ATP5ME: variants seen among roughly 807,000 people sequenced by gnomAD.
ATP5ME encodes ATP synthase F(0) complex subunit e, mitochondrial.
In ATP5ME, 10 loss-of-function variants were observed where a neutral mutation model predicts 11.6. The ratio of observed to expected loss-of-function variants is 0.86; its 90% CI spans 0.53 to 1.46. ATP5ME has a LOEUF of 1.46. ATP5ME is among the 40% of genes most tolerant of loss of function. ATP5ME has a pLI of 0.00. For missense variants in ATP5ME, 115 were observed against 85.4 expected (o/e 1.35, Z -1.37); for synonymous variants, 45 against 33.5 (o/e 1.34, Z -1.19).
At chr4:672,624 GACGGAGTCTCGCTCTGTCACCCA>G (rs1738577040) in intron 3 of ATP5ME, 105 bp from the exon 4 acceptor site, 7 of 1,277,878 alleles carry the variant, frequency 5.5e-6, no homozygotes, top group Non-Finnish European at 7.5e-6. Context: ...TTTGTTTTGA[GACGGAGTCTCGCTCTGTCACCCA>G]ATGGCGCAAT....
At position 673,988 on chromosome 4, in the gene ATP5ME, G is replaced by C. The variant is rs771652104; in HGVS notation, c.37-22C>G. On this transcript the variant is annotated intron_variant, in intron 1 of 3. Transcript: ENST00000304312. ...CGAGCTGCGAAAGAGGTTGGTCAGA[G>C]GCGGCGCGAAACGGGGCTCGCGGGA... 9.6e-5 allele frequency: 148 copies of C among 1,543,146 alleles called. 1 individual carries two copies. The African/African-American group carries it at 1.8e-3, about 18-fold the overall frequency.
At chr4:674,029 G>A (rs1738657421) in intron 1 of ATP5ME, 63 bp from the exon 2 acceptor site, 1 of 1,519,354 alleles carries the variant, frequency 6.6e-7, no homozygotes. Context: ...GTCGCGGGAG[G>A]AGGGGGGGCG....
rs762238802 is a variant in ATP5ME, at chr4:673,350, T to C, written c.143A>G (p.Lys48Arg). The stretch of plus-strand genomic sequence containing the variant: ...CCGTTTCAGTTCATCCTGCTTCTTC[T>C]TCTCTTCTGCTGCTATCCTCCTCTC... ...EEERRIAAEE[K>R]KKQDELKRIA... Residue 48 changes from lysine to arginine, a missense_variant, in exon 3 of 4, where the codon AAG becomes AGG. By Grantham distance (26) the Lys-to-Arg change is conservative. Coordinates refer to ENST00000304312, the MANE Select transcript of ATP5ME (RefSeq NM_007100.4). 7 of 1,614,238 alleles carry C rather than the reference T, an allele frequency of 4.3e-6. No individual in the cohort carries two copies. Among genetic ancestry groups the C allele is most frequent in the Non-Finnish European group, 5.1e-6 (6 of 1,180,028 alleles).
At chr4:673,246 C>A in intron 3 of ATP5ME, 57 bp downstream of exon 3, 1 of 1,613,158 alleles carries the variant, frequency 6.2e-7, no homozygotes, top group Non-Finnish European at 8.5e-7. Context: ...CCTCCATTTT[C>A]CTTATCCCTG....
chr4:673,156 T>TAC (rs1334852584), intron 3 of ATP5ME, 147 bp downstream of exon 3: 7 of 1,309,956 alleles, frequency 5.3e-6, no homozygotes, highest in Admixed American at 2.2e-5. Flanking sequence ...AGTGCTGGGA[T>TAC]ACAGGCATGA....
chr4:673,716 C>A, intron 2 of ATP5ME, 196 bp downstream of exon 2: 1 of 893,142 alleles, frequency 1.1e-6, no homozygotes, highest in South Asian at 1.6e-5. Flanking sequence ...GTTTTCGAGT[C>A]CCCCGCCCGG....
intron 2 of ATP5ME, 159 bp downstream of exon 2, chr4:673,753 G>A: frequency 1.8e-6 from 2 of 1,116,170 alleles, no homozygotes; most frequent in South Asian, 2.7e-5. Flanking sequence ...CTTTGGGTGA[G>A]CTGATTCCAC....
chr4:673,265 T>G, intron 3 of ATP5ME, 38 bp downstream of exon 3: 2 of 1,614,032 alleles, frequency 1.2e-6, no homozygotes, highest in Non-Finnish European at 1.7e-6. Context: ...TGCACAAACC[T>G]GGGAGGGACA....
In ATP5ME at chr4:674,258, ACCT is replaced by A. The variant is rs1303313195; in HGVS notation, c.-14_-12del. The A allele has an allele frequency of 6.8e-6, 11 of 1,611,200 alleles. No individual in the cohort carries two copies. On this transcript the variant is annotated 5_prime_UTR_variant, in exon 1 of 4. Coordinates refer to ENST00000304312, the MANE Select transcript of ATP5ME (RefSeq NM_007100.4). ...CACCGGTGGCACCATCTTGTCCCTG[ACCT>A]CCGCACCGGAAGCACAACCTGCAGA...
At position 673,760 on chromosome 4, in the gene ATP5ME, C is replaced by A. The variant is rs1469985699; in HGVS notation, c.91+152G>T. On this transcript the variant is annotated intron_variant, in intron 2 of 3. Coordinates refer to ENST00000304312, the MANE Select transcript of ATP5ME (RefSeq NM_007100.4). ...AGCCTGAGCTTTGGGTGAGCTGATT[C>A]CACTATCGGGGTCACGCTCGGTGGA... is the stretch of plus-strand genomic sequence containing the variant. 4.3e-6 allele frequency: 5 copies of A among 1,157,864 alleles called. No homozygotes were observed. In the African/African-American group the frequency reaches 6.1e-5, roughly 14 times the overall value. 71.7% of individuals were successfully genotyped at this position (1,157,864 alleles called of 1,614,324 possible).
At chr4:673,724 C>T in intron 2 of ATP5ME, 188 bp downstream of exon 2, 4 of 935,502 alleles carry the variant, frequency 4.3e-6, no homozygotes, top group Non-Finnish European at 6.5e-6. Flanking sequence ...GTCCCCCGCC[C>T]GGGCCTCAGA....
rs1168647175 is a variant in ATP5ME, at chr4:673,928, G to A, written c.75C>T (p.Tyr25=). The change falls in exon 2 of 4, where the codon TAC becomes TAT. Residue 25 remains tyrosine (Y), a synonymous_variant. Transcript: ENST00000304312. ...GTCACTCACTGTAGCGCGTGGCTCC[G>A]TAGGCCACACCGAGGAACAGGGCGG... The part of the protein sequence containing the change: ...RYSALFLGVA[Y]GATRYNYLKP... 4 of 1,546,088 alleles carry A rather than the reference G, an allele frequency of 2.6e-6. No homozygotes were observed. Among genetic ancestry groups the A allele is most frequent in the Admixed American group, 3.9e-5 (2 of 50,982 alleles).
At chr4:673,055 G>A (rs1738599170) in intron 3 of ATP5ME, among the ~76,000 whole-genome samples, 1 of 152,174 alleles carries the variant, frequency 6.6e-6, no homozygotes, top group Non-Finnish European at 1.5e-5. Context: ...GCCATGCCCG[G>A]CTAATTTTTG....
Position 673,781 on chromosome 4 carries a change from G to A in ATP5ME, c.91+131C>T, listed in dbSNP as rs1010331562. On this transcript the variant is annotated intron_variant, in intron 2 of 3. Coordinates refer to ENST00000304312, the MANE Select transcript of ATP5ME (RefSeq NM_007100.4). ...GATTCCACTATCGGGGTCACGCTCG[G>A]TGGAGGACACGGTCCTGCAGCCTCG... The A allele has an allele frequency of 5.4e-6, 7 of 1,291,130 alleles. No individual in the cohort carries two copies. The Admixed American group carries it at 9.9e-5, about 18-fold the overall frequency. The allele number at this position is 1,291,130 out of a possible 1,614,324, so 80.0% of individuals were successfully genotyped here.
intron 2 of ATP5ME, 43 bp from the exon 3 acceptor site, chr4:673,444 TG>T: frequency 6.2e-7 from 1 of 1,613,552 alleles, no homozygotes; most frequent in Non-Finnish European, 8.5e-7. Flanking sequence ...CTGGAAATGC[TG>T]TACAAAAGGA....
At chr4:673,243 T>C in intron 3 of ATP5ME, 60 bp downstream of exon 3, 2 of 1,612,688 alleles carry the variant, frequency 1.2e-6, no homozygotes, top group South Asian at 1.1e-5. Flanking sequence ...CCTCCTCCAT[T>C]TTCCTTATCC....
In ATP5ME at chr4:673,982, G is replaced by A. The variant is rs1452858024; in HGVS notation, c.37-16C>T. The A allele has an allele frequency of 1.3e-5, 20 of 1,543,738 alleles. No homozygotes were observed. In the East Asian group the frequency reaches 4.9e-4, roughly 38 times the overall value. On this transcript the variant is annotated splice_polypyrimidine_tract_variant and intron_variant, in intron 1 of 3. Transcript: ENST00000304312. Reference sequence around the variant, plus strand: ...AGCGGCCGAGCTGCGAAAGAGGTTGGTCAGAGGCGGCGCGAAACGGGGCTC... The same window carrying A: ...AGCGGCCGAGCTGCGAAAGAGGTTGATCAGAGGCGGCGCGAAACGGGGCTC...
chr4:672,657 T>A (rs1738579278), intron 3 of ATP5ME, 138 bp from the exon 4 acceptor site: 1 of 951,680 alleles, frequency 1.1e-6, no homozygotes, highest in Non-Finnish European at 1.6e-6. Flanking sequence ...AATGGCGCAA[T>A]CTCAGCTCAC....
At chr4:673,462 T>C in intron 2 of ATP5ME, 61 bp from the exon 3 acceptor site, 3 of 1,611,796 alleles carry the variant, frequency 1.9e-6, no homozygotes. Context: ...AGGAACTGAG[T>C]CCACAGGTCA....
Sources: allele counts gnomAD v4.1 joint callset (sites outside exome capture counted in the v4.1 genomes callset), GRCh38; gene constraint gnomAD v4.1.1; transcripts MANE v1.5; gene names NCBI Gene and HGNC (gene_info 2026-07-23, HGNC 2026-07-21).